The following GTF2F2 variants were observed in gnomAD, a reference collection of about 807,000 sequenced individuals.
The protein encoded by GTF2F2 is general transcription factor IIF subunit 2, also known as ATP-dependent helicase GTF2F2.
In GTF2F2, 23 loss-of-function variants were observed where a neutral mutation model predicts 42.2. The observed-to-expected ratio is 0.55, with a 90% CI of 0.39 to 0.77. The LOEUF is 0.77. Among genes scored for constraint, GTF2F2 ranks in the 30% least tolerant of loss-of-function variants. The pLI is 0.00. For missense variants in GTF2F2, 261 were observed against 287.2 expected (o/e 0.91, Z 0.66); for synonymous variants, 105 against 100.8 (o/e 1.04, Z -0.25).
intron 7 of GTF2F2, among the ~76,000 whole-genome samples, chr13:45,279,396 G>A (rs554456588): frequency 2.4e-4 from 37 of 152,148 alleles, no homozygotes; most frequent in African/African-American, 8.7e-4. Flanking sequence ...TCAAATTCAC[G>A]TAGTACAGTT....
intron 5 of GTF2F2, among the ~76,000 whole-genome samples, chr13:45,225,690 A>G (rs1874317271): frequency 6.6e-6 from 1 of 152,080 alleles, no homozygotes; most frequent in Admixed American, 6.5e-5. Flanking sequence ...AGAAAGCCAG[A>G]GCAAAGGCAA....
chr13:45,208,608 T>G (rs1873514021), intron 5 of GTF2F2, among the ~76,000 whole-genome samples: 1 of 152,116 alleles, frequency 6.6e-6, no homozygotes, highest in Non-Finnish European at 1.5e-5. Flanking sequence ...ACTGCTGAAG[T>G]AGTGGTAGTG....
rs372428168 is a variant in GTF2F2 at position 45,177,163 on chromosome 13, AT to A, written c.304+25341del. Among the ~76,000 whole-genome samples the A allele has an allele frequency of 2.7e-4, 40 of 150,870 alleles. 1 individual carries two copies. The highest frequency in any genetic ancestry group is 3.4e-3 in the Middle Eastern group (1 of 292). On this transcript the variant is annotated intron_variant, in intron 4 of 7. Transcript: ENST00000340473. ...TCTTCCATATGAATGAGAATGATGT[AT>A]TTTTTTTTAATAAAGACCATCTTTT...
intron 4 of GTF2F2, among the ~76,000 whole-genome samples, chr13:45,166,086 T>G (rs1457711282): frequency 1.3e-5 from 2 of 152,142 alleles, no homozygotes; most frequent in Non-Finnish European, 2.9e-5. Flanking sequence ...AGTGCTGGGA[T>G]TACAGGCGTG....
At chr13:45,276,576 A>G (rs1305531237) in intron 7 of GTF2F2, among the ~76,000 whole-genome samples, 1 of 151,972 alleles carries the variant, frequency 6.6e-6, no homozygotes, top group Non-Finnish European at 1.5e-5. Context: ...AGCTGGGACT[A>G]CAGGTGCCTG....
intron 4 of GTF2F2, among the ~76,000 whole-genome samples, chr13:45,154,169 T>C (rs1185182073): frequency 7.2e-5 from 11 of 152,154 alleles, no homozygotes; most frequent in African/African-American, 2.7e-4. Context: ...ACGTTTGAGG[T>C]AGAGAAACTT....
chr13:45,261,272 A>G (rs755455100), intron 6 of GTF2F2, among the ~76,000 whole-genome samples: 2 of 151,598 alleles, frequency 1.3e-5, no homozygotes, highest in African/African-American at 4.9e-5. Context: ...TGAAAATACA[A>G]AAAATTAGCT....
intron 2 of GTF2F2, among the ~76,000 whole-genome samples, chr13:45,138,632 G>A (rs10507532): frequency 0.043 from 6,561 of 152,196 alleles, 427 homozygotes; most frequent in African/African-American, 0.14. Context: ...CGATTATGAT[G>A]TGAGTGAAGA....
At chr13:45,263,594 G>C (rs1044462680) in intron 6 of GTF2F2, 3 of 152,118 alleles carry the variant, frequency 2.0e-5, no homozygotes, top group Non-Finnish European at 2.9e-5. Flanking sequence ...TTGAAACTAT[G>C]CTTCCAGGTG....
intron 5 of GTF2F2, among the ~76,000 whole-genome samples, chr13:45,239,961 G>A (rs1369562726): frequency 2.6e-5 from 4 of 151,914 alleles, no homozygotes; most frequent in African/African-American, 9.7e-5. Context: ...GACTTAATTA[G>A]GGATTTGAAT....
chr13:45,194,923 G>A (rs1480760755), intron 4 of GTF2F2, among the ~76,000 whole-genome samples: 1 of 152,222 alleles, frequency 6.6e-6, no homozygotes, highest in Non-Finnish European at 1.5e-5. Context: ...ATCCAAATGT[G>A]AATGTTTAAC....
intron 4 of GTF2F2, among the ~76,000 whole-genome samples, chr13:45,157,503 C>G (rs1566117541): frequency 6.6e-6 from 1 of 151,638 alleles, no homozygotes; most frequent in Non-Finnish European, 1.5e-5. Context: ...AACCGGGAGG[C>G]TCTTATAGTA....
In GTF2F2 at chr13:45,283,608, A is replaced by ATGCAAAAG; in HGVS notation, c.*48_*55dup. On this transcript the variant is annotated 3_prime_UTR_variant, in exon 8 of 8. Coordinates refer to ENST00000340473, the MANE Select transcript of GTF2F2 (RefSeq NM_004128.3). ...TAGTGAAACGACTAGCAGCGATGCT[A>ATGCAAAAG]TGCAAAAGGCGCTGATACTGGAAGG... 1 of 1,526,300 alleles carries ATGCAAAAG rather than the reference A, an allele frequency of 6.6e-7. No individual in the cohort carries two copies. Among genetic ancestry groups the ATGCAAAAG allele is most frequent in the Non-Finnish European group, 8.8e-7 (1 of 1,136,028 alleles). 94.5% of individuals were successfully genotyped at this position (1,526,300 alleles called of 1,614,324 possible). A position where few individuals can be genotyped will look rare whatever the true frequency, so the allele number is the denominator to read the frequency against.
intron 7 of GTF2F2, among the ~76,000 whole-genome samples, chr13:45,271,968 T>G (rs983160316): frequency 2.0e-5 from 3 of 152,086 alleles, no homozygotes; most frequent in African/African-American, 7.2e-5. Context: ...TACTACTACT[T>G]AATAACTGCT....
In GTF2F2 at chr13:45,120,689, G is replaced by T. The variant is rs1868578349; in HGVS notation, c.34G>T (p.Ala12Ser). The change falls in exon 1 of 8, where the codon GCC becomes TCC. Residue 12 changes from alanine to serine, a missense_variant. Coordinates refer to ENST00000340473, the MANE Select transcript of GTF2F2 (RefSeq NM_004128.3). ...AERGELDLTG[A>S]KQNTGVWLVK... ...GCGCGGGGAACTCGACTTGACCGGC[G>T]CCAAACAGAACACAGGAGTGTGGCT... 1 of 1,561,740 alleles carries T rather than the reference G, an allele frequency of 6.4e-7. No individual in the cohort carries two copies. Among genetic ancestry groups the T allele is most frequent in the Non-Finnish European group, 8.7e-7 (1 of 1,151,918 alleles).
intron 4 of GTF2F2, among the ~76,000 whole-genome samples, chr13:45,173,239 T>C (rs1871683506): frequency 6.6e-6 from 1 of 152,208 alleles, no homozygotes; most frequent in Admixed American, 6.5e-5. Flanking sequence ...AGATTGGATG[T>C]ACCCTTTACT....
At chr13:45,193,769 T>G (rs777188983) in intron 4 of GTF2F2, 1 of 1,550,666 alleles carries the variant, frequency 6.4e-7, no homozygotes, top group Non-Finnish European at 8.7e-7. Context: ...CTTGTTGCCT[T>G]TGTTCGTGAC....
At chr13:45,159,935 A>G (rs1455903887) in intron 4 of GTF2F2, among the ~76,000 whole-genome samples, 1 of 152,068 alleles carries the variant, frequency 6.6e-6, no homozygotes, top group African/African-American at 2.4e-5. Flanking sequence ...GTACTTTTTC[A>G]TTGAACTTTT....
intron 7 of GTF2F2, among the ~76,000 whole-genome samples, chr13:45,272,811 T>C (rs1339982777): frequency 6.7e-6 from 1 of 149,740 alleles, no homozygotes; most frequent in Non-Finnish European, 1.5e-5. Context: ...GCTCCATAGC[T>C]CATAGCATGA....
Sources: allele counts gnomAD v4.1 joint callset (sites outside exome capture counted in the v4.1 genomes callset), GRCh38; gene constraint gnomAD v4.1.1; transcripts MANE v1.5; gene names NCBI Gene and HGNC (gene_info 2026-07-23, HGNC 2026-07-21).